WWOX: variants seen among roughly 807,000 people sequenced by gnomAD.
The protein encoded by WWOX is WW domain-containing oxidoreductase.
Under a neutral mutation model 46.2 loss-of-function variants are expected in WWOX, and 69 were observed. The observed-to-expected ratio is 1.49, with a 90% CI of 1.23 to 1.82. WWOX has a LOEUF of 1.82. Ranked by LOEUF, WWOX falls within the 40% of genes most tolerant of loss-of-function variation. The pLI is 0.00. For missense variants in WWOX, 919 were observed against 542.6 expected (o/e 1.69, Z -6.89); for synonymous variants, 359 against 202.6 (o/e 1.77, Z -6.56).
At chr16:78,103,242 GTT>G (rs74264852) in intron 1 of WWOX, among the ~76,000 whole-genome samples, 3 of 142,606 alleles carry the variant, frequency 2.1e-5, no homozygotes, top group Admixed American at 6.9e-5. Flanking sequence ...TGGCTCCGCT[GTT>G]TTTTTTTTTT....
rs150437459 is a variant in WWOX, at chr16:78,712,470, C to G, written c.1056+279718C>G. ...TCAGCCGAGATTATACCACTGCACT[C>G]CAGCCTGGTGACAGAGTGAGACTCC... On this transcript the variant is annotated intron_variant, in intron 8 of 8. Coordinates refer to ENST00000566780, the MANE Select transcript of WWOX (RefSeq NM_016373.4). Among the ~76,000 whole-genome samples the G allele has an allele frequency of 5.8e-4, 88 of 151,648 alleles. 1 individual carries two copies. The East Asian group carries it at 0.012, about 20-fold the overall frequency.
At chr16:78,633,131 G>A (rs111527981) in intron 8 of WWOX, among the ~76,000 whole-genome samples, 4,352 of 152,130 alleles carry the variant, frequency 0.029, 220 homozygotes, top group African/African-American at 0.097. Flanking sequence ...GTGTGGTGGC[G>A]TGTGCCTGTA....
intron 8 of WWOX, among the ~76,000 whole-genome samples, chr16:78,652,265 T>G (rs2046982070): frequency 6.7e-6 from 1 of 148,758 alleles, no homozygotes; most frequent in Non-Finnish European, 1.5e-5. Context: ...AAAAATTAGC[T>G]GGGCGTGGTG....
intron 8 of WWOX, among the ~76,000 whole-genome samples, chr16:78,692,949 T>C (rs1004939816): frequency 3.3e-5 from 5 of 152,238 alleles, no homozygotes; most frequent in African/African-American, 9.6e-5. Context: ...ACTTGAGTTA[T>C]TAAACACCCT....
rs189961168 is a variant in WWOX, at chr16:79,185,252, A to T, written c.1057-26356A>T. Among the ~76,000 whole-genome samples, 655 of 152,242 alleles carry T rather than the reference A, an allele frequency of 4.3e-3. 5 individuals are homozygous for T. Among genetic ancestry groups the T allele is most frequent in the Non-Finnish European group, 5.0e-3 (338 of 68,002 alleles). On this transcript the variant is annotated intron_variant, in intron 8 of 8. Transcript: ENST00000566780. ...ATCATTTCCTGGTGAAGCCCCCTGA[A>T]CCAGACAGGAAACTGCCTCTCTTCA...
intron 8 of WWOX, among the ~76,000 whole-genome samples, chr16:79,120,068 T>C (rs1363594584): frequency 6.6e-6 from 1 of 152,042 alleles, no homozygotes; most frequent in East Asian, 1.9e-4. Context: ...GCAGGAAGAG[T>C]GCAGTTTATT....
At chr16:79,205,876 T>C (rs449842) in intron 8 of WWOX, 60,488 of 151,956 alleles carry the variant, frequency 0.4, 14,319 homozygotes, top group Non-Finnish European at 0.55. Context: ...CGCACCTACA[T>C]GCGTGGGAAC....
intron 8 of WWOX, among the ~76,000 whole-genome samples, chr16:78,770,798 CTCT>C (rs894503551): frequency 5.9e-5 from 3 of 51,112 alleles, no homozygotes; most frequent in Admixed American, 1.4e-4. Flanking sequence ...AAAGGGGAAA[CTCT>C]TCTTTCCTCC....
intron 8 of WWOX, among the ~76,000 whole-genome samples, chr16:79,063,557 C>G (rs560828863): frequency 6.6e-6 from 1 of 152,272 alleles, no homozygotes; most frequent in African/African-American, 2.4e-5. Context: ...ATCTGGAAAA[C>G]CAAATGGAGA....
intron 8 of WWOX, among the ~76,000 whole-genome samples, chr16:78,840,276 C>G (rs1364597589): frequency 1.3e-5 from 2 of 152,184 alleles, no homozygotes; most frequent in Non-Finnish European, 2.9e-5. Flanking sequence ...TCCTGAACCT[C>G]TCTGTGCCTT....
At chr16:79,121,613 G>T (rs1240349043) in intron 8 of WWOX, among the ~76,000 whole-genome samples, 1 of 152,270 alleles carries the variant, frequency 6.6e-6, no homozygotes, top group East Asian at 1.9e-4. Flanking sequence ...GTTTGCAGTA[G>T]GATTTCAAAG....
At chr16:78,450,973 T>C (rs970710063) in intron 8 of WWOX, among the ~76,000 whole-genome samples, 6 of 152,348 alleles carry the variant, frequency 3.9e-5, no homozygotes, top group African/African-American at 1.2e-4. Flanking sequence ...ATATTTCTTA[T>C]GTATGAAAAG....
At chr16:79,061,046 C>T (rs1033334222) in intron 8 of WWOX, among the ~76,000 whole-genome samples, 2 of 152,194 alleles carry the variant, frequency 1.3e-5, no homozygotes, top group African/African-American at 2.4e-5. Context: ...CTTATACACT[C>T]ACATTCATAC....
chr16:78,893,430 C>A (rs1458584011), intron 8 of WWOX, among the ~76,000 whole-genome samples: 5 of 152,072 alleles, frequency 3.3e-5, no homozygotes, highest in Non-Finnish European at 7.4e-5. Flanking sequence ...ATTGACTTCT[C>A]TTTTCTTTTA....
intron 8 of WWOX, among the ~76,000 whole-genome samples, chr16:79,020,410 ATAACT>A (rs2047510414): frequency 1.3e-5 from 2 of 152,180 alleles, no homozygotes; most frequent in South Asian, 4.1e-4. Context: ...ACCATGAGCG[ATAACT>A]TAACCTCTTT....
intron 8 of WWOX, among the ~76,000 whole-genome samples, chr16:78,702,025 A>G (rs1217916089): frequency 4.1e-5 from 5 of 121,794 alleles, no homozygotes; most frequent in African/African-American, 8.3e-5. Context: ...ATATATATAT[A>G]TATATATATA....
chr16:79,066,787 C>A (rs997554042), intron 8 of WWOX, among the ~76,000 whole-genome samples: 1 of 152,176 alleles, frequency 6.6e-6, no homozygotes, highest in South Asian at 2.1e-4. Context: ...TGGCAATGGT[C>A]CAGGTCAAAC....
intron 8 of WWOX, among the ~76,000 whole-genome samples, chr16:78,906,289 G>C (rs968997051): frequency 6.6e-6 from 1 of 152,170 alleles, no homozygotes; most frequent in African/African-American, 2.4e-5. Flanking sequence ...AAGGCAGCTT[G>C]AGAGGAAAGC....
chr16:78,234,467 G>A (rs1785239922), intron 5 of WWOX, among the ~76,000 whole-genome samples: 1 of 152,098 alleles, frequency 6.6e-6, no homozygotes, highest in African/African-American at 2.4e-5. Flanking sequence ...CCATGTTTTT[G>A]TACGTCTCTG....
Sources: allele counts gnomAD v4.1 joint callset (sites outside exome capture counted in the v4.1 genomes callset), GRCh38; gene constraint gnomAD v4.1.1; transcripts MANE v1.5; gene names NCBI Gene and HGNC (gene_info 2026-07-23, HGNC 2026-07-21).